The following PRSS3 variants were observed in gnomAD, a reference collection of about 807,000 sequenced individuals.
PRSS3 encodes the protein serine protease 3.
Under a neutral mutation model 20.8 loss-of-function variants are expected in PRSS3, and 14 were observed. The ratio of observed to expected loss-of-function variants is 0.67; its 90% CI spans 0.44 to 1.05. The LOEUF (loss-of-function observed/expected upper bound fraction) is 1.05. PRSS3 is among the 50% of genes least tolerant of loss of function. The pLI, the probability that PRSS3 is intolerant of heterozygous loss-of-function variation, is 0.00. For synonymous variants in PRSS3, 91 were observed against 117.6 expected (o/e 0.77, Z 1.46); for missense variants, 237 against 306.4 (o/e 0.77, Z 1.69).
chr9:33,799,087 C>T lies in PRSS3; in HGVS notation c.651C>T (p.Gly217=). Residue 217 remains glycine (G), a synonymous_variant, in exon 5 of 5, where the codon GGC becomes GGT. Transcript: ENST00000379405. ...AGCTCCAAGGAGTTGTCTCCTGGGGCCATGGCTGTGCCTGGAAGAACAGGC... is the reference window on the plus strand; with the variant it reads ...AGCTCCAAGGAGTTGTCTCCTGGGGTCATGGCTGTGCCTGGAAGAACAGGC... ...NGQLQGVVSW[G]HGCAWKNRPG... The T allele has an allele frequency of 2.5e-6, 4 of 1,614,164 alleles. No individual in the cohort carries two copies. Among genetic ancestry groups the T allele is most frequent in the Non-Finnish European group, 3.4e-6 (4 of 1,180,010 alleles).
At chr9:33,798,841 TG>T (rs1303036842) in intron 4 of PRSS3, 186 bp from the exon 5 acceptor site, 1 of 1,042,556 alleles carries the variant, frequency 9.6e-7, no homozygotes. Context: ...GTGCCCCCAT[TG>T]GGAAATGAGG....
At chr9:33,793,246 T>A (rs917261752), upstream of PRSS3, among the ~76,000 whole-genome samples, 6 of 149,500 alleles carry the variant, frequency 4.0e-5, no homozygotes, top group African/African-American at 1.5e-4. Context: ...AAAGTTTCCA[T>A]CTTCTGCCAA....
intron 1 of PRSS3, among the ~76,000 whole-genome samples, chr9:33,761,648 G>A (rs879831957): frequency 3.3e-5 from 5 of 152,092 alleles, no homozygotes; most frequent in Non-Finnish European, 5.9e-5. Flanking sequence ...GGAGGTTGCC[G>A]TGAGCTGAGA....
chr9:33,797,898 G>T lies in PRSS3; in HGVS notation c.270G>T (p.Ala90=). The T allele has an allele frequency of 2.0e-6, 3 of 1,496,948 alleles. No individual in the cohort carries two copies. Among genetic ancestry groups the T allele is most frequent in the Non-Finnish European group, 2.7e-6 (3 of 1,113,268 alleles). The allele number at this position is 1,496,948 out of a possible 1,614,324, so 92.7% of individuals were successfully genotyped here. Residue 90 remains alanine, a synonymous_variant, in exon 3 of 5, where the codon GCG becomes GCT. Transcript: ENST00000379405. ...AGGGGAATGAGCAGTTCATCAATGC[G>T]GCCAAGATCATCCGCCACCCTAAAT... is the stretch of plus-strand genomic sequence containing the variant. ...VLEGNEQFIN[A]AKIIRHPKYN...
At chr9:33,753,826 G>A (rs1355235944) in intron 1 of PRSS3, among the ~76,000 whole-genome samples, 3 of 152,220 alleles carry the variant, frequency 2.0e-5, no homozygotes, top group African/African-American at 4.8e-5. Context: ...AAACAAGTAA[G>A]GAGTTTGTTT....
At position 33,777,864 on chromosome 9, in the gene PRSS3, ACTT is replaced by A. The variant is rs1447031695; in HGVS notation, c.-52-16879_-52-16877del. ...TGCAAATTTCTTATATTTTAAGTAA[ACTT>A]CTACAATACAGTAAGTAGACAAATA... On this transcript the variant is annotated intron_variant, in intron 1 of 5. Coordinates refer to the PRSS3 transcript ENST00000342836. Among the ~76,000 whole-genome samples the A allele has an allele frequency of 6.6e-5, 10 of 152,290 alleles. No individual in the cohort carries two copies. In the South Asian group the frequency reaches 1.2e-3, roughly 19 times the overall value.
At chr9:33,756,850 T>G (rs1822973024) in intron 1 of PRSS3, among the ~76,000 whole-genome samples, 1 of 152,232 alleles carries the variant, frequency 6.6e-6, no homozygotes, top group Non-Finnish European at 1.5e-5. Context: ...ATTTTCAAAG[T>G]GACTTTTAAT....
intron 1 of PRSS3, among the ~76,000 whole-genome samples, chr9:33,754,368 C>T (rs1238256873): frequency 6.6e-6 from 1 of 151,922 alleles, no homozygotes; most frequent in Admixed American, 6.6e-5. Flanking sequence ...CCGCGCCTGG[C>T]TTGTCCTTCT....
intron 1 of PRSS3, among the ~76,000 whole-genome samples, chr9:33,771,645 GTT>G (rs112204565): frequency 0.061 from 4,806 of 78,796 alleles, 345 homozygotes; most frequent in African/African-American, 0.16. Flanking sequence ...TTGTTTTTTT[GTT>G]TTTTTTTTTT....
At chr9:33,777,359 A>T (rs1823976277) in intron 1 of PRSS3, among the ~76,000 whole-genome samples, 2 of 151,914 alleles carry the variant, frequency 1.3e-5, no homozygotes, top group African/African-American at 4.8e-5. Flanking sequence ...AGAAATGAAG[A>T]GCACAAGAAG....
chr9:33,782,827 A>G (rs1030809411), intron 1 of PRSS3, among the ~76,000 whole-genome samples: 3 of 152,212 alleles, frequency 2.0e-5, no homozygotes, highest in Non-Finnish European at 1.5e-5. Flanking sequence ...CTAAACCCCT[A>G]TGATCATCTA....
chr9:33,769,725 G>A (rs1444362839), intron 1 of PRSS3, among the ~76,000 whole-genome samples: 2 of 152,200 alleles, frequency 1.3e-5, no homozygotes, highest in Non-Finnish European at 2.9e-5. Flanking sequence ...CCATTTCCTT[G>A]GTTTCAGCAG....
At chr9:33,791,242 A>C (rs1824618816), upstream of PRSS3, among the ~76,000 whole-genome samples, 1 of 152,242 alleles carries the variant, frequency 6.6e-6, no homozygotes, top group Non-Finnish European at 1.5e-5. Context: ...ACAGAGAAGC[A>C]AAGTGCAGAA....
At chr9:33,764,144 A>T (rs891402360) in intron 1 of PRSS3, among the ~76,000 whole-genome samples, 1 of 152,240 alleles carries the variant, frequency 6.6e-6, no homozygotes, top group African/African-American at 2.4e-5. Flanking sequence ...ATAGGGAAAA[A>T]GAATAGTCTT....
intron 1 of PRSS3, 95 bp downstream of exon 1, chr9:33,795,708 T>G: frequency 4.2e-6 from 6 of 1,415,206 alleles, no homozygotes; most frequent in Non-Finnish European, 6.0e-6. Flanking sequence ...TTGACTGCGC[T>G]CTGATATTCT....
chr9:33,786,190 C>T (rs1034401026), intron 1 of PRSS3: 15 of 479,960 alleles, frequency 3.1e-5, no homozygotes, highest in Non-Finnish European at 5.2e-5. Context: ...TTCTTAGTGC[C>T]TTTTCTCAGG....
chr9:33,779,239 T>G (rs1235380340), intron 1 of PRSS3, among the ~76,000 whole-genome samples: 1 of 152,184 alleles, frequency 6.6e-6, no homozygotes, highest in Non-Finnish European at 1.5e-5. Context: ...TTAACCAGTC[T>G]GAAATAGCTG....
At chr9:33,758,232 C>T (rs1823041064) in intron 1 of PRSS3, among the ~76,000 whole-genome samples, 1 of 152,184 alleles carries the variant, frequency 6.6e-6, no homozygotes, top group Admixed American at 6.5e-5. Flanking sequence ...ATACAAAGCA[C>T]ATTGTTATGC....
intron 1 of PRSS3, among the ~76,000 whole-genome samples, chr9:33,765,435 C>T (rs1251569119): frequency 1.1e-4 from 17 of 151,936 alleles, no homozygotes; most frequent in Non-Finnish European, 2.4e-4. Context: ...TTTTTTCTTT[C>T]GTTATTAAGA....
Sources: allele counts gnomAD v4.1 joint callset (sites outside exome capture counted in the v4.1 genomes callset), GRCh38; gene constraint gnomAD v4.1.1; transcripts MANE v1.5; gene names NCBI Gene and HGNC (gene_info 2026-07-23, HGNC 2026-07-21).